Variants in RAD9B observed in about 807,000 individuals in gnomAD.
The protein encoded by RAD9B is cell cycle checkpoint control protein RAD9B.
RAD9B carries 41 observed loss-of-function variants against 48.3 expected under a neutral mutation model. The observed-to-expected ratio is 0.85, with a 90% CI of 0.66 to 1.10. The LOEUF (loss-of-function observed/expected upper bound fraction) is 1.10. RAD9B is among the 50% of genes least tolerant of loss of function. The pLI is 0.00. For missense variants in RAD9B, 444 were observed against 485.1 expected (o/e 0.92, Z 0.80); for synonymous variants, 160 against 157.9 (o/e 1.01, Z -0.10).
rs1243230685 is a variant in RAD9B at position 110,532,692 on chromosome 12, T to TG, written c.*2040dup. On this transcript the variant is annotated 3_prime_UTR_variant, in exon 11 of 11. Transcript: ENST00000409300. ...AGATAATGGAGCTGCCCTATACAGG[T>TG]GTACCATTTTTTTGTCTTTCATACC... Among the ~76,000 whole-genome samples, 1 of 152,194 alleles carries TG rather than the reference T, an allele frequency of 6.6e-6. No homozygotes were observed. Among genetic ancestry groups the TG allele is most frequent in the African/African-American group, 2.4e-5 (1 of 41,438 alleles).
At chr12:110,518,185 C>T (rs1273642467) in intron 6 of RAD9B, among the ~76,000 whole-genome samples, 11 of 145,900 alleles carry the variant, frequency 7.5e-5, no homozygotes, top group Admixed American at 5.5e-4. Context: ...AGTGAGACTC[C>T]GTCTCAAAAG....
In RAD9B at chr12:110,519,933, A is replaced by G; in HGVS notation, c.890+17A>G. 6.2e-7 allele frequency: 1 copy of G among 1,606,932 alleles called. No individual in the cohort carries two copies. Reference sequence around the variant, plus strand: ...ACGAAAAAGGTAAGACTGTGTTTTAACTTCTTTATTACTTGGGACAAGCCA... The same window carrying G: ...ACGAAAAAGGTAAGACTGTGTTTTAGCTTCTTTATTACTTGGGACAAGCCA... On this transcript the variant is annotated intron_variant, in intron 9 of 10. Transcript: ENST00000409300.
chr12:110,531,284 C>A lies in RAD9B; in HGVS notation c.*631C>A, dbSNP rs74581882. 3.8e-6 allele frequency: 2 copies of A among 525,294 alleles called. No individual in the cohort carries two copies. Among genetic ancestry groups the A allele is most frequent in the Non-Finnish European group, 5.5e-6 (2 of 363,948 alleles). The allele number at this position is 525,294 out of a possible 1,614,324, so 32.5% of individuals were successfully genotyped here. On this transcript the variant is annotated 3_prime_UTR_variant, in exon 11 of 11. Transcript: ENST00000409300. ...CTCTGCTCACTGCAACATCTGCCTC[C>A]CAGGTCCAAGCGATTCTCCTGCCTC...
chr12:110,525,181 G>A (rs905589557), intron 10 of RAD9B, among the ~76,000 whole-genome samples: 4 of 151,750 alleles, frequency 2.6e-5, no homozygotes, highest in African/African-American at 9.7e-5. Context: ...AGTAGAGACG[G>A]GGTTTTACCA....
chr12:110,509,914 T>G (rs1037761214), intron 4 of RAD9B, among the ~76,000 whole-genome samples: 1 of 152,238 alleles, frequency 6.6e-6, no homozygotes, highest in Non-Finnish European at 1.5e-5. Flanking sequence ...ATCTTTTGCA[T>G]TTTGTCCCAT....
chr12:110,526,370 C>T (rs891840966), intron 10 of RAD9B, among the ~76,000 whole-genome samples: 37 of 152,114 alleles, frequency 2.4e-4, no homozygotes, highest in Non-Finnish European at 5.9e-5. Flanking sequence ...GACTTACAGG[C>T]TGAAGGTGGG....
At chr12:110,526,269 T>C (rs887632901) in intron 10 of RAD9B, among the ~76,000 whole-genome samples, 2 of 152,206 alleles carry the variant, frequency 1.3e-5, no homozygotes, top group Admixed American at 1.3e-4. Context: ...CATATTAGAC[T>C]TGAAGTTAAT....
At chr12:110,503,660 C>T (rs1388652836) in intron 1 of RAD9B, 146 bp from the exon 2 acceptor site, 2 of 636,684 alleles carry the variant, frequency 3.1e-6, no homozygotes, top group South Asian at 3.8e-5. Flanking sequence ...GGGTATTATA[C>T]TGTATTAAAG....
intron 6 of RAD9B, among the ~76,000 whole-genome samples, chr12:110,517,533 A>C (rs573030774): frequency 6.5e-4 from 99 of 152,130 alleles, no homozygotes; most frequent in African/African-American, 2.3e-3. Flanking sequence ...CTGAGGCAGG[A>C]GAATCGCTAG....
chr12:110,511,477 A>G (rs1440092616), intron 4 of RAD9B: 6 of 454,246 alleles, frequency 1.3e-5, no homozygotes, highest in Non-Finnish European at 2.7e-5. Context: ...TAAGCCAGGC[A>G]TGGAAAGTCA....
intron 10 of RAD9B, among the ~76,000 whole-genome samples, chr12:110,528,760 C>T (rs769960502): frequency 3.3e-5 from 5 of 152,302 alleles, no homozygotes; most frequent in Non-Finnish European, 5.9e-5. Flanking sequence ...GACAGTCTTG[C>T]TCTGTTGCCC....
At position 110,512,900 on chromosome 12, in the gene RAD9B, GT is replaced by G. The variant is rs767883748; in HGVS notation, c.488+29del. Reference sequence around the variant, plus strand: ...CAAGGTAATGAGTTCTCTGTTGTCAGTTTTTTTCACCTGAATACAGTATGAT... The same window carrying G: ...CAAGGTAATGAGTTCTCTGTTGTCAGTTTTTTCACCTGAATACAGTATGAT... On this transcript the variant is annotated intron_variant, in intron 5 of 10. Coordinates refer to ENST00000409300, the MANE Select transcript of RAD9B (RefSeq NM_001286535.2). The G allele has an allele frequency of 2.9e-5, 35 of 1,207,866 alleles. No individual in the cohort carries two copies. The East Asian group carries it at 3.3e-4, about 11-fold the overall frequency. 74.8% of individuals were successfully genotyped at this position (1,207,866 alleles called of 1,614,324 possible).
intron 10 of RAD9B, among the ~76,000 whole-genome samples, chr12:110,528,587 C>G (rs2064019846): frequency 6.6e-6 from 1 of 152,160 alleles, no homozygotes; most frequent in African/African-American, 2.4e-5. Context: ...CTGAGATTAG[C>G]CAGGAGAGTG....
rs2064187413 is a variant in RAD9B, at chr12:110,533,525, GA to G, written c.*2874del. 2.6e-5 allele frequency: 4 copies of G among 152,252 alleles called. No homozygotes were observed. The South Asian group carries it at 8.3e-4, about 32-fold the overall frequency. The allele number at this position is 152,252 out of a possible 1,614,324, so 9.4% of individuals were successfully genotyped here. On this transcript the variant is annotated 3_prime_UTR_variant, in exon 11 of 11. Transcript: ENST00000409300. ...TAGTTGAGAAGTTCAATTTTGCAAA[GA>G]ATTTAATTTTAAATAAATAGAATCC...
rs2063944704 is a variant in RAD9B at position 110,526,615 on chromosome 12, C to T, written c.1126-3910C>T. ...TAGACTCTTTAGAGGCAATTGAAACCATGCCTCCAATTGGTCGGGCACGGT... is the reference window on the plus strand; with the variant it reads ...TAGACTCTTTAGAGGCAATTGAAACTATGCCTCCAATTGGTCGGGCACGGT... On this transcript the variant is annotated intron_variant, in intron 10 of 10. Transcript: ENST00000409300. Among the ~76,000 whole-genome samples, 3 of 152,116 alleles carry T rather than the reference C, an allele frequency of 2.0e-5. No individual in the cohort carries two copies. The South Asian group carries it at 6.2e-4, about 31-fold the overall frequency.
Position 110,531,515 on chromosome 12 carries a change from A to G in RAD9B, c.*862A>G, listed in dbSNP as rs1336505854. The stretch of plus-strand genomic sequence containing the variant: ...CCTGGAGTGTTTTTACATATTGTAA[A>G]ATTTTATTTCCTAACCTCAAATTGT... On this transcript the variant is annotated 3_prime_UTR_variant, in exon 11 of 11. Transcript: ENST00000409300. 2 of 1,278,200 alleles carry G rather than the reference A, an allele frequency of 1.6e-6. No individual in the cohort carries two copies. The highest frequency in any genetic ancestry group is 2.2e-6 in the Non-Finnish European group (2 of 889,366). The allele number at this position is 1,278,200 out of a possible 1,614,324, so 79.2% of individuals were successfully genotyped here. A position where few individuals can be genotyped will look rare whatever the true frequency, so the allele number is the denominator to read the frequency against.
At chr12:110,525,152 A>T (rs1014108719) in intron 10 of RAD9B, among the ~76,000 whole-genome samples, 6 of 151,692 alleles carry the variant, frequency 4.0e-5, no homozygotes, top group African/African-American at 1.5e-4. Context: ...CGCCCAGCTA[A>T]TTTTTTTGTA....
intron 4 of RAD9B, among the ~76,000 whole-genome samples, chr12:110,508,888 A>G (rs1176614034): frequency 6.6e-6 from 1 of 152,084 alleles, no homozygotes; most frequent in Non-Finnish European, 1.5e-5. Flanking sequence ...TTGACTTCCC[A>G]GACTCAGGTG....
intron 4 of RAD9B, chr12:110,511,560 C>G (rs1226922977): frequency 4.7e-6 from 2 of 429,862 alleles, no homozygotes; most frequent in East Asian, 1.5e-4. Context: ...ATGGTAGATA[C>G]CAGAGGCTGG....
Sources: allele counts gnomAD v4.1 joint callset (sites outside exome capture counted in the v4.1 genomes callset), GRCh38; gene constraint gnomAD v4.1.1; transcripts MANE v1.5; gene names NCBI Gene and HGNC (gene_info 2026-07-23, HGNC 2026-07-21).